EPB41L4A: variants seen among roughly 807,000 people sequenced by gnomAD.
EPB41L4A encodes erythrocyte membrane protein band 4.1 like 4A.
Under a neutral mutation model 108.6 loss-of-function variants are expected in EPB41L4A, and 100 were observed. The observed-to-expected ratio is 0.92, with a 90% confidence interval of 0.78 to 1.09. EPB41L4A has a LOEUF of 1.09. EPB41L4A is among the 50% of genes least tolerant of loss of function. The probability of loss-of-function intolerance (pLI) is 0.00; values close to 1 mark genes in which losing one functional copy is unlikely to be tolerated. For synonymous variants in EPB41L4A, 319 were observed against 289.0 expected, an observed-to-expected ratio of 1.10 and a Z score of -1.05; for missense variants, 1,030 against 842.7, an observed-to-expected ratio of 1.22 and a Z score of -2.75.
intron 22 of EPB41L4A, among the ~76,000 whole-genome samples, chr5:112,168,504 C>T (rs1760380074): frequency 6.6e-6 from 1 of 152,204 alleles, no homozygotes; most frequent in African/African-American, 2.4e-5. Flanking sequence ...TTATCCTCAG[C>T]TGTGCCCCAC....
chr5:112,243,253 A>C, intron 9 of EPB41L4A, among the ~76,000 whole-genome samples: 1 of 141,760 alleles, frequency 7.1e-6, no homozygotes, highest in African/African-American at 2.7e-5. Context: ...ATATACACAC[A>C]CACACATATA....
chr5:112,217,163 T>G (rs1747709381), intron 12 of EPB41L4A, among the ~76,000 whole-genome samples: 2 of 152,060 alleles, frequency 1.3e-5, no homozygotes, highest in Admixed American at 1.3e-4. Context: ...AGGCTGGTCT[T>G]GAACTCCTGA....
intron 16 of EPB41L4A, 145 bp downstream of exon 16, chr5:112,195,516 C>T (rs1018876301): frequency 1.5e-6 from 1 of 689,436 alleles, no homozygotes; most frequent in African/African-American, 1.8e-5. Context: ...GAATGGAAGA[C>T]TGGGAATCAG....
chr5:112,280,123 C>T, intron 3 of EPB41L4A, 149 bp downstream of exon 3: 2 of 703,254 alleles, frequency 2.8e-6, no homozygotes, highest in East Asian at 2.5e-5. Flanking sequence ...TAGCAATGCA[C>T]ACAATACACA....
At chr5:112,345,850 A>G (rs187228984) in intron 1 of EPB41L4A, among the ~76,000 whole-genome samples, 1,749 of 151,108 alleles carry the variant, frequency 0.012, 28 homozygotes, top group South Asian at 0.038. Context: ...GCAACCTGGG[A>G]TGATTTTTAT....
intron 1 of EPB41L4A, among the ~76,000 whole-genome samples, chr5:112,390,085 T>A (rs1355874915): frequency 6.6e-6 from 1 of 152,204 alleles, no homozygotes; most frequent in Non-Finnish European, 1.5e-5. Context: ...AGAAGTAAGA[T>A]GGCTGAATAG....
At chr5:112,344,272 C>T (rs1757502530) in intron 1 of EPB41L4A, among the ~76,000 whole-genome samples, 1 of 152,196 alleles carries the variant, frequency 6.6e-6, no homozygotes, top group Non-Finnish European at 1.5e-5. Flanking sequence ...ATTTCAAGTA[C>T]TCAACATCTA....
At chr5:112,260,107 G>C (rs957175274) in intron 7 of EPB41L4A, 128 bp from the exon 8 acceptor site, 6 of 706,288 alleles carry the variant, frequency 8.5e-6, no homozygotes, top group Non-Finnish European at 1.4e-5. Context: ...CATCAGCCTA[G>C]AAAGCTAGAT....
intron 12 of EPB41L4A, among the ~76,000 whole-genome samples, chr5:112,153,580 G>T (rs34148921): frequency 0.49 from 68,939 of 140,012 alleles, 17,284 homozygotes; most frequent in East Asian, 0.84. Flanking sequence ...TATATATAGA[G>T]AGAGAGAGAG....
chr5:112,240,797 G>A lies in EPB41L4A; in HGVS notation c.809C>T (p.Ser270Leu), dbSNP rs1277949478. The A allele has an allele frequency of 6.3e-7, 1 of 1,591,716 alleles. No homozygotes were observed. Among genetic ancestry groups the A allele is most frequent in the Non-Finnish European group, 8.5e-7 (1 of 1,172,420 alleles). The part of the protein sequence containing the change: ...RVLGKDCNET[S>L]FFFEARSKTA... ...TTTACTCCGAGCTTCAAAAAAGAAT[G>A]AGGTTTCGTTACACTAAGAGAGAAA... Residue 270 changes from serine to leucine, a missense_variant, in exon 10 of 23, where the codon TCA becomes TTA. Coordinates refer to ENST00000261486, the MANE Select transcript of EPB41L4A (RefSeq NM_022140.5).
At chr5:112,193,850 G>T (rs1761828070) in intron 17 of EPB41L4A, among the ~76,000 whole-genome samples, 2 of 152,198 alleles carry the variant, frequency 1.3e-5, no homozygotes, top group African/African-American at 4.8e-5. Flanking sequence ...TGTCCTTGGG[G>T]AGAAGGCAGG....
At position 112,198,323 on chromosome 5, in the gene EPB41L4A, G is replaced by A. The variant is rs556787105; in HGVS notation, c.1377-2615C>T. On this transcript the variant is annotated intron_variant, in intron 15 of 22. Coordinates refer to ENST00000261486, the MANE Select transcript of EPB41L4A (RefSeq NM_022140.5). ...GCTGGGATTACAGGCATGAGCCACC[G>A]TACATGGCTCCCAATGTCATTTTGA... Among the ~76,000 whole-genome samples the A allele has an allele frequency of 5.3e-5, 8 of 152,236 alleles. No individual in the cohort carries two copies. In the South Asian group the frequency reaches 8.3e-4, roughly 16 times the overall value.
intron 1 of EPB41L4A, among the ~76,000 whole-genome samples, chr5:112,308,568 A>G (rs1754841267): frequency 6.6e-6 from 1 of 152,216 alleles, no homozygotes; most frequent in Non-Finnish European, 1.5e-5. Context: ...TACTTTGACT[A>G]ACTTTAACTG....
chr5:112,319,138 T>A (rs188949935), intron 1 of EPB41L4A, among the ~76,000 whole-genome samples: 1 of 152,270 alleles, frequency 6.6e-6, no homozygotes, highest in East Asian at 1.9e-4. Flanking sequence ...AGGCCTGAAA[T>A]AACTTACTGC....
chr5:112,154,000 T>G (rs1319056641), intron 12 of EPB41L4A, among the ~76,000 whole-genome samples: 3 of 152,164 alleles, frequency 2.0e-5, no homozygotes, highest in African/African-American at 2.4e-5. Flanking sequence ...GAAACAGATA[T>G]GTAGCTGGCA....
intron 1 of EPB41L4A, among the ~76,000 whole-genome samples, chr5:112,330,408 C>T (rs1223335305): frequency 6.6e-6 from 1 of 151,984 alleles, no homozygotes; most frequent in Non-Finnish European, 1.5e-5. Context: ...TGGTAATTTG[C>T]TAAATTCATT....
intron 1 of EPB41L4A, among the ~76,000 whole-genome samples, chr5:112,394,646 G>A (rs967842031): frequency 1.3e-5 from 2 of 152,138 alleles, no homozygotes; most frequent in Admixed American, 1.3e-4. Context: ...AATCAATATT[G>A]TGAAAATGGC....
chr5:112,293,715 G>A (rs576897376), intron 2 of EPB41L4A, among the ~76,000 whole-genome samples: 4 of 152,164 alleles, frequency 2.6e-5, no homozygotes, highest in African/African-American at 9.7e-5. Flanking sequence ...AAAGCATGCA[G>A]TGCAAGAAGC....
chr5:112,318,853 C>T (rs986812424), intron 1 of EPB41L4A, among the ~76,000 whole-genome samples: 11 of 152,140 alleles, frequency 7.2e-5, no homozygotes, highest in South Asian at 2.1e-4. Flanking sequence ...AGGTAACATA[C>T]GTATGTTACA....
Sources: gnomAD v4.1 joint callset for allele counts (sites outside exome capture counted in the v4.1 genomes callset) on GRCh38, gnomAD v4.1.1 for gene constraint, MANE v1.5 for transcripts, NCBI Gene and HGNC (gene_info 2026-07-23, HGNC 2026-07-21) for gene names.